The following GAS7 variants were observed in gnomAD, a reference collection of about 807,000 sequenced individuals.
GAS7 encodes the protein growth arrest-specific protein 7.
In GAS7, 28 loss-of-function variants were observed where a neutral mutation model predicts 71.1. That is an observed-to-expected ratio of 0.39 (90% CI 0.29 to 0.54). The LOEUF (loss-of-function observed/expected upper bound fraction) is 0.54. Among genes scored for constraint, GAS7 ranks in the 20% least tolerant of loss-of-function variants. GAS7 has a pLI of 0.62. For missense variants in GAS7, 436 were observed against 627.8 expected, an observed-to-expected ratio of 0.69 and a Z score of 3.27; for synonymous variants, 258 against 245.8, an observed-to-expected ratio of 1.05 and a Z score of -0.46.
At position 9,914,697 on chromosome 17, in the gene GAS7, G is replaced by A. The variant is rs951359750; in HGVS notation, c.*2531C>T. 1.3e-4 allele frequency: 29 copies of A among 220,374 alleles called. No individual in the cohort carries two copies. Among genetic ancestry groups the A allele is most frequent in the Admixed American group, 5.2e-4 (9 of 17,336 alleles). 13.7% of individuals were successfully genotyped at this position (220,374 alleles called of 1,614,324 possible). On this transcript the variant is annotated 3_prime_UTR_variant, in exon 14 of 14. Transcript: ENST00000432992. The stretch of plus-strand genomic sequence containing the variant: ...TTATATTATAATAAAGAATCCCAGA[G>A]GGTTAAGTGTGGAGAGGGTACAATG...
At chr17:10,135,322 C>CCT (rs2074029867) in intron 1 of GAS7, among the ~76,000 whole-genome samples, 1 of 152,130 alleles carries the variant, frequency 6.6e-6, no homozygotes. Context: ...TTCCACCCTG[C>CCT]CTCTGTTTTA....
intron 1 of GAS7, among the ~76,000 whole-genome samples, chr17:10,155,196 A>G (rs1486862356): frequency 1.3e-5 from 2 of 152,012 alleles, no homozygotes; most frequent in East Asian, 3.9e-4. Context: ...TTGTATTTTA[A>G]GTAGAGATGG....
chr17:10,067,308 G>A (rs1358461880), intron 1 of GAS7, among the ~76,000 whole-genome samples: 4 of 152,044 alleles, frequency 2.6e-5, no homozygotes, highest in African/African-American at 7.2e-5. Flanking sequence ...GTAGTGGCGC[G>A]ATCTCGGCTC....
At chr17:10,148,864 G>C (rs1180131380) in intron 1 of GAS7, among the ~76,000 whole-genome samples, 52 of 145,980 alleles carry the variant, frequency 3.6e-4, no homozygotes, top group Non-Finnish European at 7.0e-4. Flanking sequence ...GAGCAGAGAT[G>C]GTGTCACTGC....
At chr17:9,978,075 A>C (rs1162770493) in intron 3 of GAS7, among the ~76,000 whole-genome samples, 1 of 152,114 alleles carries the variant, frequency 6.6e-6, no homozygotes, top group Non-Finnish European at 1.5e-5. Flanking sequence ...TTAGCTGGGC[A>C]AGGTGGCATG....
intron 1 of GAS7, among the ~76,000 whole-genome samples, chr17:10,168,206 C>T (rs1195280668): frequency 6.6e-6 from 1 of 152,008 alleles, no homozygotes; most frequent in Non-Finnish European, 1.5e-5. Flanking sequence ...CTATAGAATA[C>T]CACACAGTTT....
At chr17:9,994,557 A>C (rs1597636292) in intron 2 of GAS7, among the ~76,000 whole-genome samples, 1 of 148,770 alleles carries the variant, frequency 6.7e-6, no homozygotes, top group East Asian at 1.9e-4. Context: ...CTTAAACGTT[A>C]GACCTAAAAC....
chr17:10,159,544 C>G (rs148862903), intron 1 of GAS7, among the ~76,000 whole-genome samples: 52 of 151,542 alleles, frequency 3.4e-4, no homozygotes, highest in African/African-American at 1.2e-3. Flanking sequence ...CCAGATGCAC[C>G]CCCCCCAACC....
intron 1 of GAS7, among the ~76,000 whole-genome samples, chr17:10,073,562 A>C (rs1185436412): frequency 1.3e-5 from 2 of 152,208 alleles, no homozygotes; most frequent in African/African-American, 4.8e-5. Context: ...TTAGAAATGC[A>C]GCATCTGCGC....
chr17:10,087,478 T>C (rs569271084), intron 1 of GAS7, among the ~76,000 whole-genome samples: 5 of 152,350 alleles, frequency 3.3e-5, no homozygotes, highest in African/African-American at 1.2e-4. Context: ...GCAGCCATGG[T>C]TGCATGCTGC....
chr17:9,967,112 G>A (rs1597571075), intron 4 of GAS7, among the ~76,000 whole-genome samples: 2 of 151,084 alleles, frequency 1.3e-5, no homozygotes, highest in African/African-American at 2.4e-5. Context: ...CTATCTACCC[G>A]GGCCTGCATC....
chr17:10,109,784 G>T (rs1329216467), intron 1 of GAS7, among the ~76,000 whole-genome samples: 1 of 152,012 alleles, frequency 6.6e-6, no homozygotes, highest in Non-Finnish European at 1.5e-5. Flanking sequence ...GGCCAGGCGC[G>T]GTGGTACACG....
At chr17:10,033,792 G>C (rs1157975399) in intron 1 of GAS7, among the ~76,000 whole-genome samples, 1 of 152,216 alleles carries the variant, frequency 6.6e-6, no homozygotes, top group African/African-American at 2.4e-5. Flanking sequence ...TGGCCTGCAG[G>C]CACTGAAGGA....
At chr17:10,106,747 T>C (rs988665637) in intron 1 of GAS7, among the ~76,000 whole-genome samples, 4 of 149,128 alleles carry the variant, frequency 2.7e-5, no homozygotes, top group Non-Finnish European at 5.9e-5. Flanking sequence ...TCTTCAATTA[T>C]TAAAAGATAC....
intron 1 of GAS7, among the ~76,000 whole-genome samples, chr17:10,106,929 A>G (rs905932752): frequency 6.6e-6 from 1 of 152,138 alleles, no homozygotes; most frequent in Admixed American, 6.5e-5. Context: ...TCTAAATGCA[A>G]TCACAGGGTC....
At chr17:10,094,528 G>A (rs1209558114) in intron 1 of GAS7, among the ~76,000 whole-genome samples, 2 of 151,728 alleles carry the variant, frequency 1.3e-5, no homozygotes, top group Non-Finnish European at 2.9e-5. Context: ...TAGTGCAGCG[G>A]CGCGATCTCG....
rs866864481 is a variant in GAS7, at chr17:10,090,722, T to A, written c.184-70825A>T. Among the ~76,000 whole-genome samples the A allele has an allele frequency of 1.1e-4, 17 of 152,184 alleles. 1 individual carries two copies. In the Middle Eastern group the frequency reaches 0.01, roughly 91 times the overall value. ...ATCAATTTCATGCCAGGGCATGAAA[T>A]CACTGAAGCCAGTTAACATCCTCAG... On this transcript the variant is annotated intron_variant, in intron 1 of 13. Transcript: ENST00000432992.
chr17:10,176,873 C>A lies in GAS7; in HGVS notation c.183+21335G>T, dbSNP rs184542526. On this transcript the variant is annotated intron_variant, in intron 1 of 13. Coordinates refer to ENST00000432992, the MANE Select transcript of GAS7 (RefSeq NM_201433.2). ...GTCCGTGACCCCAAGCTGGTTAAGC[C>A]GTGAGCCAAAATCAGACAAGATGTC... Among the ~76,000 whole-genome samples the A allele has an allele frequency of 2.8e-3, 423 of 152,230 alleles. 4 individuals carry two copies. Among genetic ancestry groups the A allele is most frequent in the African/African-American group, 9.8e-3 (407 of 41,528 alleles).
At chr17:10,059,062 A>G (rs2073186955) in intron 1 of GAS7, among the ~76,000 whole-genome samples, 1 of 152,200 alleles carries the variant, frequency 6.6e-6, no homozygotes, top group African/African-American at 2.4e-5. Context: ...TGGTCCCATG[A>G]CAGAATGCGC....
Sources: allele counts gnomAD v4.1 joint callset (sites outside exome capture counted in the v4.1 genomes callset), GRCh38; gene constraint gnomAD v4.1.1; transcripts MANE v1.5; gene names NCBI Gene and HGNC (gene_info 2026-07-23, HGNC 2026-07-21).